The following NUP214 variants were observed in gnomAD, a reference collection of about 807,000 sequenced individuals.
NUP214 encodes the protein nuclear pore complex protein Nup214.
Under a neutral mutation model 196.2 loss-of-function variants are expected in NUP214, and 79 were observed. The ratio of observed to expected loss-of-function variants is 0.40; its 90% confidence interval spans 0.34 to 0.49. The LOEUF (loss-of-function observed/expected upper bound fraction) is 0.49, where lower values mean the gene tolerates loss of function less well. NUP214 is among the 20% of genes least tolerant of loss of function. The pLI is 0.58. For missense variants in NUP214, 2,468 were observed against 2,539.0 expected, an observed-to-expected ratio of 0.97 and a Z score of 0.60; for synonymous variants, 1,020 against 990.5, an observed-to-expected ratio of 1.03 and a Z score of -0.56.
In NUP214 at chr9:131,175,466, C is replaced by T. The variant is rs762334918; in HGVS notation, c.3164C>T (p.Thr1055Ile). ...SPGVMGTSVA[T>I]SASKIIPQGA... ...ATTTTTCTTTTCCTCTTAGTGGCTA[C>T]ATCTGCTAGCAAAATTATTCCTCAA... Residue 1055 changes from threonine to isoleucine, a missense_variant, in exon 23 of 36, where the codon ACA becomes ATA. This residue lies in a region of NUP214 where 1,801 missense variants were observed against 1,779.4 expected (regional missense o/e 1.01). Transcript: ENST00000359428. 1.2e-6 allele frequency: 2 copies of T among 1,613,726 alleles called. No homozygotes were observed. Among genetic ancestry groups the T allele is most frequent in the Admixed American group, 1.7e-5 (1 of 59,998 alleles).
At chr9:131,207,760 G>A (rs1043792106) in intron 30 of NUP214, among the ~76,000 whole-genome samples, 3 of 152,238 alleles carry the variant, frequency 2.0e-5, no homozygotes, top group African/African-American at 7.2e-5. Context: ...AGAAAGCCTT[G>A]TTGAACTGGT....
chr9:131,210,475 A>G (rs1258795107), intron 30 of NUP214, among the ~76,000 whole-genome samples: 2 of 152,100 alleles, frequency 1.3e-5, no homozygotes, highest in Non-Finnish European at 2.9e-5. Context: ...TAAAAATACT[A>G]AAATTAGCCG....
At chr9:131,131,781 T>C (rs1831550560) in intron 5 of NUP214, among the ~76,000 whole-genome samples, 1 of 152,056 alleles carries the variant, frequency 6.6e-6, no homozygotes, top group African/African-American at 2.4e-5. Context: ...CTCAGCCTCC[T>C]GGGCTCAGGT....
Position 131,201,589 on chromosome 9 carries a change from A to G in NUP214, c.5522-58A>G, listed in dbSNP as rs1359987213. On this transcript the variant is annotated intron_variant, in intron 29 of 35. Coordinates refer to ENST00000359428, the MANE Select transcript of NUP214 (RefSeq NM_005085.4). ...AAAAAAAAAAAACAACAAAACTTTA[A>G]TGTTGTAAAAGACTCATCCAATCCA... 27 of 1,326,744 alleles carry G rather than the reference A, an allele frequency of 2.0e-5. No individual in the cohort carries two copies. The Admixed American group carries it at 4.2e-4, about 21-fold the overall frequency. The allele number at this position is 1,326,744 out of a possible 1,614,324, so 82.2% of individuals were successfully genotyped here. A position where few individuals can be genotyped will look rare whatever the true frequency, so the allele number is the denominator to read the frequency against.
chr9:131,153,438 T>G (rs138300829), intron 17 of NUP214: 1 of 152,304 alleles, frequency 6.6e-6, no homozygotes, highest in African/African-American at 2.4e-5. Flanking sequence ...GTATTCCTGA[T>G]GCGTCCTCTT....
In NUP214 at chr9:131,146,355, A is replaced by G. The variant is rs373718517; in HGVS notation, c.1945+51A>G. On this transcript the variant is annotated intron_variant, in intron 13 of 35. Coordinates refer to ENST00000359428, the MANE Select transcript of NUP214 (RefSeq NM_005085.4). This position sits in a 1 kb window ranked among gnomAD's most constrained non-coding sequence, Gnocchi z 4.6. ...GACCTCAGCCCTGCCTTCTCAGATT[A>G]ACGGTTTTAAGTGTTAAGAGTCGTA... 11 of 1,575,140 alleles carry G rather than the reference A, an allele frequency of 7.0e-6. No individual in the cohort carries two copies. The highest frequency in any genetic ancestry group is 7.8e-6 in the Non-Finnish European group (9 of 1,147,648).
intron 21 of NUP214, chr9:131,164,397 T>G: frequency 4.2e-6 from 2 of 481,460 alleles, no homozygotes; most frequent in Non-Finnish European, 7.4e-6. Flanking sequence ...GCTTTTACAC[T>G]GTTTTCTGCA....
In NUP214 at chr9:131,134,917, C is replaced by T; in HGVS notation, c.851C>T (p.Pro284Leu). The change falls in exon 8 of 36, where the codon CCA becomes CTA. Residue 284 changes from proline (P) to leucine (L), a missense_variant. This residue lies in a region of NUP214 where 392 missense variants were observed against 417.9 expected (regional missense o/e 0.94). Coordinates refer to ENST00000359428, the MANE Select transcript of NUP214 (RefSeq NM_005085.4). ...TTGTAGAAAAAAGAAGAAAAGCACC[C>T]AGAGATATTTGTGAACTTTATGGAG... is the stretch of plus-strand genomic sequence containing the variant. ...ALLPKKEEKH[P>L]EIFVNFMEPC... 1 of 1,613,490 alleles carries T rather than the reference C, an allele frequency of 6.2e-7. No individual in the cohort carries two copies. The highest frequency in any genetic ancestry group is 1.1e-5 in the South Asian group (1 of 91,066).
At chr9:131,213,559 T>C (rs183807886) in intron 30 of NUP214, among the ~76,000 whole-genome samples, 35 of 152,338 alleles carry the variant, frequency 2.3e-4, no homozygotes, top group Non-Finnish European at 4.4e-4. Context: ...CTGGCAATTT[T>C]CTGTGTTTCA....
rs1834359954 is a variant in NUP214, at chr9:131,215,287, G to A, written c.5668G>A (p.Gly1890Arg). The change falls in exon 31 of 36, where the codon GGA (glycine) becomes AGA (arginine). Residue 1890 changes from glycine to arginine, a missense_variant. By Grantham distance (125) the Gly-to-Arg change is moderately radical. Around this residue, in one of 5 missense-constraint regions of NUP214, gnomAD observed 262 missense variants for 296.5 expected, o/e 0.88. Coordinates refer to ENST00000359428, the MANE Select transcript of NUP214 (RefSeq NM_005085.4). The part of the protein sequence containing the change: ...GRGGGFFSGL[G>R]GKPSQDAANK... ...AGGGGGAGGTTTCTTCAGTGGCCTT[G>A]GAGGAAAACCCAGTCAGGATGCAGC... The A allele has an allele frequency of 3.1e-6, 5 of 1,610,052 alleles. No homozygotes were observed. The highest frequency in any genetic ancestry group is 4.2e-6 in the Non-Finnish European group (5 of 1,178,136).
At chr9:131,184,684 C>T (rs552955081) in intron 24 of NUP214, among the ~76,000 whole-genome samples, 5 of 152,088 alleles carry the variant, frequency 3.3e-5, no homozygotes, top group Non-Finnish European at 7.4e-5. Context: ...AATGCAATTC[C>T]GTCTTAATTA....
At chr9:131,132,885 T>C (rs573671795) in intron 6 of NUP214, 1 of 619,054 alleles carries the variant, frequency 1.6e-6, no homozygotes, top group East Asian at 2.8e-5. Flanking sequence ...TTTATTACAA[T>C]TCTTCATAAT....
At chr9:131,128,601 A>G in intron 3 of NUP214, 118 bp downstream of exon 3, 4 of 823,568 alleles carry the variant, frequency 4.9e-6, no homozygotes, top group South Asian at 2.6e-5. Flanking sequence ...AGATTAAAAT[A>G]TGGGTTAAAA....
At chr9:131,220,882 A>G (rs1362854872) in intron 31 of NUP214, among the ~76,000 whole-genome samples, 1 of 152,234 alleles carries the variant, frequency 6.6e-6, no homozygotes, top group Admixed American at 6.5e-5. Flanking sequence ...AGACTTCTAA[A>G]TGATCTCTGA....
At chr9:131,184,992 T>A (rs966286813) in intron 24 of NUP214, among the ~76,000 whole-genome samples, 50 of 152,216 alleles carry the variant, frequency 3.3e-4, no homozygotes, top group African/African-American at 1.2e-3. Context: ...AAGATACATG[T>A]GATAGTGATT....
intron 14 of NUP214, among the ~76,000 whole-genome samples, chr9:131,148,998 A>G (rs1832167992): frequency 2.0e-5 from 3 of 152,122 alleles, no homozygotes; most frequent in South Asian, 2.1e-4. Flanking sequence ...TTATTATTTT[A>G]TCTTTCATAT....
rs1290968815 is a variant in NUP214 at position 131,206,140 on chromosome 9, TC to T, written c.5592+4424del. The stretch of plus-strand genomic sequence containing the variant: ...TACATTATTCCACATAGAATTTTTT[TC>T]TTTTTTCTTTTTTTTTTTTTTGAGA... On this transcript the variant is annotated intron_variant, in intron 30 of 35. Coordinates refer to ENST00000359428, the MANE Select transcript of NUP214 (RefSeq NM_005085.4). 5.3e-4 allele frequency among the ~76,000 whole-genome samples: 53 copies of T among 99,886 alleles called. 1 individual carries two copies. Among genetic ancestry groups the T allele is most frequent in the African/African-American group, 1.9e-3 (51 of 27,020 alleles). 65.5% of individuals were successfully genotyped at this position (99,886 alleles called of 152,430 possible). A position where few individuals can be genotyped will look rare whatever the true frequency, so the allele number is the denominator to read the frequency against.
At chr9:131,221,845 C>T (rs1273630373) in intron 31 of NUP214, among the ~76,000 whole-genome samples, 1 of 150,620 alleles carries the variant, frequency 6.6e-6, no homozygotes, top group Non-Finnish European at 1.5e-5. Flanking sequence ...CACCAACGCC[C>T]ACCCCCCCCA....
intron 21 of NUP214, among the ~76,000 whole-genome samples, chr9:131,171,633 ATGCTGGTG>A (rs1676380638): frequency 6.7e-6 from 1 of 149,118 alleles, no homozygotes; most frequent in South Asian, 2.1e-4. Flanking sequence ...TACATGTGCC[ATGCTGGTG>A]TGCTGCACCC....
Sources: gnomAD v4.1 joint callset for allele counts (sites outside exome capture counted in the v4.1 genomes callset) on GRCh38, gnomAD v4.1.1 for gene constraint, gnomAD v4.1.1 regional missense constraint, Gnocchi (gnomAD v3.1) non-coding constraint, MANE v1.5 for transcripts, NCBI Gene and HGNC (gene_info 2026-07-23, HGNC 2026-07-21) for gene names.